Variants in FAR2 observed in about 807,000 individuals in gnomAD.
FAR2 encodes the protein fatty acyl-CoA reductase 2, also known as epididymis secretory protein Li 81.
In FAR2, 19 loss-of-function variants were observed where a neutral mutation model predicts 56.0. The ratio of observed to expected loss-of-function variants is 0.34; its 90% CI spans 0.24 to 0.50. The LOEUF (loss-of-function observed/expected upper bound fraction) is 0.50. Ranked by LOEUF, FAR2 falls within the 20% of genes least tolerant of loss-of-function variation. The probability of loss-of-function intolerance (pLI) is 0.98; values close to 1 mark genes in which losing one functional copy is unlikely to be tolerated. For synonymous variants in FAR2, 219 were observed against 218.8 expected (o/e 1.00, Z -0.01); for missense variants, 508 against 642.2 (o/e 0.79, Z 2.26).
intron 1 of FAR2, among the ~76,000 whole-genome samples, chr12:29,266,358 A>G (rs1266633769): frequency 6.6e-6 from 1 of 152,180 alleles, no homozygotes; most frequent in Non-Finnish European, 1.5e-5. Context: ...TATTTGCAAC[A>G]ATATAGATGG....
chr12:29,281,029 C>T (rs1348147625), intron 2 of FAR2: 4 of 152,220 alleles, frequency 2.6e-5, no homozygotes, highest in Non-Finnish European at 5.9e-5. Context: ...GACACTCATT[C>T]CTACCCCAGG....
intron 9 of FAR2, among the ~76,000 whole-genome samples, chr12:29,318,354 A>C (rs971124436): frequency 6.6e-6 from 1 of 152,220 alleles, no homozygotes; most frequent in Non-Finnish European, 1.5e-5. Flanking sequence ...AGAAAACCCA[A>C]ATATTGTAGG....
At position 29,244,643 on chromosome 12, in the gene FAR2, T is replaced by G. The variant is rs573465934; in HGVS notation, c.-38-25769T>G. 2.0e-5 allele frequency among the ~76,000 whole-genome samples: 3 copies of G among 152,346 alleles called. No individual in the cohort carries two copies. In the South Asian group the frequency reaches 6.2e-4, roughly 32 times the overall value. ...CTCTTAAACAGCATTGATTGGACAC[T>G]GAGAGCTTCCCAGGCACTAGAGATG... On this transcript the variant is annotated intron_variant, in intron 1 of 11. Coordinates refer to ENST00000536681, the MANE Select transcript of FAR2 (RefSeq NM_001271783.2).
chr12:29,194,263 A>T (rs1484979471), intron 1 of FAR2, among the ~76,000 whole-genome samples: 1 of 152,136 alleles, frequency 6.6e-6, no homozygotes, highest in Admixed American at 6.6e-5. Flanking sequence ...CGAATCTTCA[A>T]CTTCTCAGGT....
At chr12:29,305,478 C>T (rs1204751045) in intron 4 of FAR2, among the ~76,000 whole-genome samples, 4 of 152,136 alleles carry the variant, frequency 2.6e-5, no homozygotes, top group Non-Finnish European at 5.9e-5. Context: ...TACAAAGATG[C>T]ATGCTCACTG....
intron 1 of FAR2, among the ~76,000 whole-genome samples, chr12:29,203,925 G>A (rs537799815): frequency 6.7e-6 from 1 of 148,280 alleles, no homozygotes; most frequent in African/African-American, 2.4e-5. Flanking sequence ...GCGTGAACCT[G>A]GGAGGCGGAG....
At chr12:29,229,225 T>A (rs913036126) in intron 1 of FAR2, among the ~76,000 whole-genome samples, 3 of 152,190 alleles carry the variant, frequency 2.0e-5, no homozygotes, top group Admixed American at 6.5e-5. Flanking sequence ...GGTATGAGGC[T>A]CCTGAAAGTT....
At chr12:29,246,346 A>G (rs928797431) in intron 1 of FAR2, among the ~76,000 whole-genome samples, 1 of 152,202 alleles carries the variant, frequency 6.6e-6, no homozygotes, top group Non-Finnish European at 1.5e-5. Flanking sequence ...TATTGATTTG[A>G]AAAGATATCT....
rs115741537 is a variant in FAR2 at position 29,204,949 on chromosome 12, A to G, written c.-39+55542A>G. Among the ~76,000 whole-genome samples, 781 of 152,282 alleles carry G rather than the reference A, an allele frequency of 5.1e-3. 13 individuals carry two copies. Among genetic ancestry groups the G allele is most frequent in the African/African-American group, 0.018 (732 of 41,562 alleles). Reference sequence around the variant, plus strand: ...CCCACCTCCAACAATGGAGATTATAATTCAACATGAGATTTGGTGGAGACA... The same window carrying G: ...CCCACCTCCAACAATGGAGATTATAGTTCAACATGAGATTTGGTGGAGACA... On this transcript the variant is annotated intron_variant, in intron 1 of 11. Transcript: ENST00000536681.
chr12:29,163,443 A>G (rs1004154611), intron 1 of FAR2, among the ~76,000 whole-genome samples: 1 of 152,256 alleles, frequency 6.6e-6, no homozygotes, highest in Non-Finnish European at 1.5e-5. Flanking sequence ...CCATTGTGAC[A>G]ACTGTAGTAG....
chr12:29,234,877 G>A (rs1358892789), intron 1 of FAR2, among the ~76,000 whole-genome samples: 1 of 152,106 alleles, frequency 6.6e-6, no homozygotes, highest in Non-Finnish European at 1.5e-5. Context: ...CATAGCTTAT[G>A]TATTTTATTT....
intron 2 of FAR2, among the ~76,000 whole-genome samples, chr12:29,272,581 C>T (rs925700655): frequency 6.6e-6 from 1 of 152,166 alleles, no homozygotes; most frequent in Non-Finnish European, 1.5e-5. Flanking sequence ...AGAACATGCT[C>T]CTTTAGCTCA....
chr12:29,318,087 C>T (rs533312400), intron 9 of FAR2, among the ~76,000 whole-genome samples: 3 of 152,290 alleles, frequency 2.0e-5, no homozygotes, highest in South Asian at 4.2e-4. Context: ...AGGCAATTCT[C>T]GTGATCAAGA....
chr12:29,176,842 A>G (rs1003466873), intron 1 of FAR2, among the ~76,000 whole-genome samples: 4 of 44,242 alleles, frequency 9.0e-5, no homozygotes, highest in African/African-American at 1.9e-4. Flanking sequence ...GAGAAAAGGG[A>G]AAAAAAGGAA....
At chr12:29,201,596 C>T (rs1947413177) in intron 1 of FAR2, among the ~76,000 whole-genome samples, 1 of 152,136 alleles carries the variant, frequency 6.6e-6, no homozygotes, top group South Asian at 2.1e-4. Context: ...TTGTGTATTA[C>T]AGTGAAACTT....
In FAR2 at chr12:29,181,878, T is replaced by C. The variant is rs559085027; in HGVS notation, c.-39+32471T>C. On this transcript the variant is annotated intron_variant, in intron 1 of 11. Coordinates refer to ENST00000536681, the MANE Select transcript of FAR2 (RefSeq NM_001271783.2). ...AAATAAAAGGCAATCTGGAGATTTTTAGGCCTTTGTATTTTTTTGAGTATA... is the reference window on the plus strand; with the variant it reads ...AAATAAAAGGCAATCTGGAGATTTTCAGGCCTTTGTATTTTTTTGAGTATA... Among the ~76,000 whole-genome samples the C allele has an allele frequency of 8.3e-4, 126 of 152,366 alleles. 1 individual carries two copies. Among genetic ancestry groups the C allele is most frequent in the African/African-American group, 2.9e-3 (119 of 41,594 alleles).
Position 29,175,434 on chromosome 12 carries a change from CTT to C in FAR2, c.-39+26028_-39+26029del, listed in dbSNP as rs1949928606. ...GACCTTCACGGCAAGTGTTACAGCT[CTT>C]AAAGGTGGTGTGGACCCAAAGAGTG... On this transcript the variant is annotated intron_variant, in intron 1 of 11. Transcript: ENST00000536681. Among the ~76,000 whole-genome samples, 3 of 152,304 alleles carry C rather than the reference CTT, an allele frequency of 2.0e-5. No homozygotes were observed. The East Asian group carries it at 5.8e-4, about 29-fold the overall frequency.
At chr12:29,152,038 A>G (rs939091406) in intron 1 of FAR2, among the ~76,000 whole-genome samples, 5 of 152,332 alleles carry the variant, frequency 3.3e-5, no homozygotes, top group African/African-American at 1.2e-4. Context: ...AATAAAACAA[A>G]AAGTAGGCAA....
chr12:29,332,897 C>T (rs1182882720), intron 11 of FAR2, 170 bp downstream of exon 11: 1 of 711,636 alleles, frequency 1.4e-6, no homozygotes, highest in African/African-American at 1.7e-5. Flanking sequence ...GACTTCACCA[C>T]ACCTCTATGA....
Sources: allele counts gnomAD v4.1 joint callset (sites outside exome capture counted in the v4.1 genomes callset), GRCh38; gene constraint gnomAD v4.1.1; transcripts MANE v1.5; gene names NCBI Gene and HGNC (gene_info 2026-07-23, HGNC 2026-07-21).